Variants in DENND1A observed in about 807,000 individuals in gnomAD.
DENND1A encodes DENN domain containing 1A, also known as DENN domain-containing protein 1A.
Under a neutral mutation model 113.7 loss-of-function variants are expected in DENND1A, and 51 were observed. That is an observed-to-expected ratio of 0.45 (90% CI 0.36 to 0.57). DENND1A has a LOEUF of 0.57. DENND1A is among the 20% of genes least tolerant of loss of function. The pLI, the probability that DENND1A is intolerant of heterozygous loss-of-function variation, is 0.00. For missense variants in DENND1A, 1,258 were observed against 1,395.9 expected (o/e 0.90, Z 1.57); for synonymous variants, 565 against 570.8 (o/e 0.99, Z 0.14).
At chr9:123,467,149 A>C (rs2049026332) in intron 13 of DENND1A, among the ~76,000 whole-genome samples, 1 of 152,354 alleles carries the variant, frequency 6.6e-6, no homozygotes, top group East Asian at 1.9e-4. Context: ...GTTCTAATGG[A>C]AAGTGTGGCC....
intron 11 of DENND1A, among the ~76,000 whole-genome samples, chr9:123,601,627 G>T (rs375512489): frequency 1.3e-5 from 2 of 152,056 alleles, no homozygotes; most frequent in Non-Finnish European, 2.9e-5. Context: ...CTCCACCCAG[G>T]GTTTCACTGA....
intron 12 of DENND1A, among the ~76,000 whole-genome samples, chr9:123,559,909 A>G (rs2057641231): frequency 6.6e-6 from 1 of 152,220 alleles, no homozygotes; most frequent in African/African-American, 2.4e-5. Flanking sequence ...CCTACTCTGG[A>G]CATTTCATAT....
chr9:123,754,518 A>G (rs1278159503), intron 5 of DENND1A, among the ~76,000 whole-genome samples: 2 of 152,212 alleles, frequency 1.3e-5, no homozygotes, highest in African/African-American at 2.4e-5. Context: ...CTCTGGCACT[A>G]GAAAAGCAAC....
At chr9:123,882,406 A>T (rs1588071594) in intron 1 of DENND1A, among the ~76,000 whole-genome samples, 1 of 152,092 alleles carries the variant, frequency 6.6e-6, no homozygotes, top group East Asian at 1.9e-4. Flanking sequence ...TCAAACCTGC[A>T]TCTCCTGAAC....
chr9:123,747,854 C>T (rs1012024996), intron 5 of DENND1A, among the ~76,000 whole-genome samples: 1 of 152,248 alleles, frequency 6.6e-6, no homozygotes, highest in South Asian at 2.1e-4. Context: ...TTATTTGCCA[C>T]TTGATTTTAA....
intron 13 of DENND1A, among the ~76,000 whole-genome samples, chr9:123,470,378 C>CTCACTCACGCCAGGGGTTGCT (rs2049308091): frequency 6.6e-6 from 1 of 152,164 alleles, no homozygotes; most frequent in East Asian, 1.9e-4. Flanking sequence ...CAGGGGTTGC[C>CTCACTCACGCCAGGGGTTGCT]TCACTCTCAC....
chr9:123,715,099 G>A (rs1306233327), intron 5 of DENND1A, among the ~76,000 whole-genome samples: 2 of 152,000 alleles, frequency 1.3e-5, no homozygotes, highest in African/African-American at 2.4e-5. Context: ...AGGGAGAATT[G>A]CTTGAACCTG....
chr9:123,417,589 C>T (rs2044842447), intron 19 of DENND1A, among the ~76,000 whole-genome samples: 1 of 152,184 alleles, frequency 6.6e-6, no homozygotes, highest in Non-Finnish European at 1.5e-5. Flanking sequence ...TCCAAAGTCA[C>T]CTGGAATCCT....
intron 11 of DENND1A, among the ~76,000 whole-genome samples, chr9:123,583,980 A>G (rs1391056768): frequency 6.6e-6 from 1 of 152,164 alleles, no homozygotes; most frequent in Non-Finnish European, 1.5e-5. Flanking sequence ...CCTGCCCCCA[A>G]TCTGGCAGCA....
intron 21 of DENND1A, among the ~76,000 whole-genome samples, chr9:123,389,854 G>A (rs2042749980): frequency 6.6e-6 from 1 of 152,218 alleles, no homozygotes; most frequent in Non-Finnish European, 1.5e-5. Flanking sequence ...GCACTCTGGG[G>A]AGCTCGTGGG....
At chr9:123,652,474 C>T (rs1382325566) in intron 8 of DENND1A, among the ~76,000 whole-genome samples, 2 of 152,218 alleles carry the variant, frequency 1.3e-5, no homozygotes, top group African/African-American at 4.8e-5. Context: ...CAAGATGGAA[C>T]AGTCTAATAA....
chr9:123,403,294 C>T (rs1043145607), intron 21 of DENND1A, 108 bp downstream of exon 21: 19 of 1,096,230 alleles, frequency 1.7e-5, no homozygotes, highest in Non-Finnish European at 2.4e-5. Context: ...CCGCTGGGAG[C>T]CCCGGGGAAG....
chr9:123,482,393 C>T (rs1054596155), intron 13 of DENND1A, among the ~76,000 whole-genome samples: 13 of 152,198 alleles, frequency 8.5e-5, no homozygotes, highest in Admixed American at 2.0e-4. Context: ...CCACCGCACC[C>T]GGCCCATTAT....
At chr9:123,912,661 G>A (rs1311028916) in intron 1 of DENND1A, among the ~76,000 whole-genome samples, 1 of 152,090 alleles carries the variant, frequency 6.6e-6, no homozygotes, top group Non-Finnish European at 1.5e-5. Flanking sequence ...GGGAGCTGGG[G>A]ATTGCATCAT....
At chr9:123,450,043 G>GA (rs112846577) in intron 18 of DENND1A, among the ~76,000 whole-genome samples, 46,355 of 119,528 alleles carry the variant, frequency 0.39, 9,563 homozygotes, top group African/African-American at 0.62. Flanking sequence ...GATAAAAAAA[G>GA]AAAAAAAAAA....
At chr9:123,581,755 C>T (rs940028907) in intron 12 of DENND1A, among the ~76,000 whole-genome samples, 13 of 152,196 alleles carry the variant, frequency 8.5e-5, no homozygotes, top group African/African-American at 2.9e-4. Context: ...CCAGGTAAAA[C>T]ACTTCCCCGA....
At chr9:123,458,103 C>T (rs1263827453) in intron 13 of DENND1A, among the ~76,000 whole-genome samples, 2 of 150,594 alleles carry the variant, frequency 1.3e-5, no homozygotes, top group South Asian at 2.1e-4. Flanking sequence ...CGAGTTCAAG[C>T]GATTCTCCTG....
At chr9:123,682,996 C>T (rs2064567216) in intron 5 of DENND1A, among the ~76,000 whole-genome samples, 1 of 151,596 alleles carries the variant, frequency 6.6e-6, no homozygotes, top group African/African-American at 2.4e-5. Flanking sequence ...CAACATGACC[C>T]TTCTCCACCC....
At chr9:123,803,551 G>C (rs1835048134) in intron 2 of DENND1A, among the ~76,000 whole-genome samples, 1 of 152,050 alleles carries the variant, frequency 6.6e-6, no homozygotes, top group Admixed American at 6.6e-5. Flanking sequence ...CTGCCCCACA[G>C]ACTCTGCCTT....
Sources: allele counts gnomAD v4.1 joint callset (sites outside exome capture counted in the v4.1 genomes callset), GRCh38; gene constraint gnomAD v4.1.1; transcripts MANE v1.5; gene names NCBI Gene and HGNC (gene_info 2026-07-23, HGNC 2026-07-21).